Variants in MAP3K9 observed in about 807,000 individuals in gnomAD.
MAP3K9 encodes the protein mitogen-activated protein kinase kinase kinase 9, also known as mixed lineage kinase 1 (tyr and ser/thr specificity).
In MAP3K9, 46 loss-of-function variants were observed where a neutral mutation model predicts 95.8. The ratio of observed to expected loss-of-function variants is 0.48; its 90% CI spans 0.38 to 0.61. MAP3K9 has a LOEUF of 0.61. MAP3K9 is among the 20% of genes least tolerant of loss of function. The pLI is 0.00. For synonymous variants in MAP3K9, 533 were observed against 593.8 expected (o/e 0.90, Z 1.49); for missense variants, 1,296 against 1,474.3 (o/e 0.88, Z 1.98).
At position 70,749,020 on chromosome 14, in the gene MAP3K9, G is replaced by A. The variant is rs1471546004; in HGVS notation, c.1151-16C>T. ...TTCCAGCAGTCTGAATAGAACATGT[G>A]AATACTCAGAAAGCATGAATGGACA... is the stretch of plus-strand genomic sequence containing the variant. On this transcript the variant is annotated splice_polypyrimidine_tract_variant and intron_variant, in intron 4 of 11. Transcript: ENST00000554752. The A allele has an allele frequency of 1.2e-6, 2 of 1,603,860 alleles. No homozygotes were observed. The highest frequency in any genetic ancestry group is 2.2e-5 in the East Asian group (1 of 44,594).
At position 70,732,534 on chromosome 14, in the gene MAP3K9, C is replaced by G. The variant is rs755890823; in HGVS notation, c.2830+5G>C. 1 of 1,540,594 alleles carries G rather than the reference C, an allele frequency of 6.5e-7. No homozygotes were observed. Among genetic ancestry groups the G allele is most frequent in the Non-Finnish European group, 8.7e-7 (1 of 1,144,952 alleles). ...AAGGAAAGAGAAAAGAGGAAGAAGA[C>G]TCACCTGCTCCAGGACTGGGGCTCA... is the stretch of plus-strand genomic sequence containing the variant. On this transcript the variant is annotated splice_donor_5th_base_variant and intron_variant, in intron 11 of 11. Transcript: ENST00000554752.
At chr14:70,783,266 G>A in intron 2 of MAP3K9, 1 of 946,244 alleles carries the variant, frequency 1.1e-6, no homozygotes, top group Non-Finnish European at 1.3e-6. Context: ...CAACGGTAAG[G>A]TGGGAAGGAA....
At chr14:70,745,765 A>G (rs771579887) in intron 5 of MAP3K9, among the ~76,000 whole-genome samples, 10 of 152,134 alleles carry the variant, frequency 6.6e-5, no homozygotes, top group Non-Finnish European at 1.5e-4. Context: ...TAGAAAAGAA[A>G]TGAGAAAAGA....
chr14:70,754,901 G>T (rs1258010629), intron 3 of MAP3K9, among the ~76,000 whole-genome samples: 1 of 152,202 alleles, frequency 6.6e-6, no homozygotes, highest in Non-Finnish European at 1.5e-5. Context: ...ACAGCGCAAA[G>T]AAAGGGAACA....
intron 11 of MAP3K9, 130 bp from the exon 12 acceptor site, chr14:70,730,994 G>A: frequency 9.6e-7 from 1 of 1,037,494 alleles, no homozygotes; most frequent in Non-Finnish European, 1.4e-6. Context: ...AATGTTTGTG[G>A]AGCACCTACT....
In MAP3K9 at chr14:70,730,404, C is replaced by T. The variant is rs1298916585; in HGVS notation, c.3291G>A (p.Glu1097=). ...GCTAAGACCAGAACTCCTGCTGGAT[C>T]TCATAAGGGGCAGGCCTGTGTGTGT... ...ELNTHRPAPY[E]IQQEFWS Residue 1097 remains glutamate (E), a synonymous_variant, in exon 12 of 12, where the codon GAG becomes GAA. Coordinates refer to ENST00000554752, the MANE Select transcript of MAP3K9 (RefSeq NM_001284230.2). 2 of 1,608,060 alleles carry T rather than the reference C, an allele frequency of 1.2e-6. No individual in the cohort carries two copies. The highest frequency in any genetic ancestry group is 2.2e-5 in the South Asian group (2 of 90,944).
At chr14:70,808,439 C>CGGG (rs34783118) in intron 1 of MAP3K9, among the ~76,000 whole-genome samples, 20 of 83,942 alleles carry the variant, frequency 2.4e-4, no homozygotes, top group Non-Finnish European at 3.2e-4. Context: ...TGGGGGGCGG[C>CGGG]GGGGGGGTGG....
intron 2 of MAP3K9, among the ~76,000 whole-genome samples, chr14:70,786,399 G>C (rs1294316129): frequency 6.6e-6 from 1 of 152,050 alleles, no homozygotes; most frequent in Non-Finnish European, 1.5e-5. Context: ...GGAGTCTACT[G>C]CTTAAGAAAT....
At position 70,809,269 on chromosome 14, in the gene MAP3K9, C is replaced by A. The variant is rs3742847; in HGVS notation, c.-98G>T. 0.22 allele frequency: 268,142 copies of A among 1,231,858 alleles called. 31,503 individuals carry two copies. The highest frequency in any genetic ancestry group is 0.39 in the South Asian group (10,037 of 25,704). 76.3% of individuals were successfully genotyped at this position (1,231,858 alleles called of 1,614,324 possible). ...TCCGCAGAGCTGGGAGGACCCCCCC[C>A]CAACGACGGCGGCCGCAGGTAGGGC... On this transcript the variant is annotated 5_prime_UTR_variant, in exon 1 of 12. Transcript: ENST00000554752.
intron 1 of MAP3K9, among the ~76,000 whole-genome samples, chr14:70,803,336 T>TCAAAAAAAAAAAA (rs1566771064): frequency 1.5e-5 from 1 of 66,142 alleles, no homozygotes; most frequent in Non-Finnish European, 2.8e-5. Context: ...AATTCAGATC[T>TCAAAAAAAAAAAA]TAAAAAAAAA....
chr14:70,760,876 G>A (rs938561828), intron 3 of MAP3K9, 126 bp downstream of exon 3: 2 of 919,058 alleles, frequency 2.2e-6, no homozygotes, highest in Non-Finnish European at 3.3e-6. Flanking sequence ...ATGACTCTTG[G>A]GGGAGGTCAC....
At chr14:70,739,316 G>C (rs1181839178) in intron 7 of MAP3K9, among the ~76,000 whole-genome samples, 2 of 151,986 alleles carry the variant, frequency 1.3e-5, no homozygotes, top group East Asian at 3.8e-4. Flanking sequence ...ATTTTTAGTA[G>C]AGGCGGGGTT....
intron 2 of MAP3K9, among the ~76,000 whole-genome samples, chr14:70,772,794 T>C (rs2139808707): frequency 6.6e-6 from 1 of 152,338 alleles, no homozygotes; most frequent in Non-Finnish European, 1.5e-5. Flanking sequence ...GATTTACACC[T>C]ATAATCTTAT....
At chr14:70,757,979 A>G (rs72721927) in intron 3 of MAP3K9, among the ~76,000 whole-genome samples, 4,726 of 152,302 alleles carry the variant, frequency 0.031, 112 homozygotes, top group Non-Finnish European at 0.043. Flanking sequence ...GTAAGTCTTC[A>G]TGACTTTGGA....
intron 2 of MAP3K9, among the ~76,000 whole-genome samples, chr14:70,787,584 T>C (rs2054761046): frequency 6.6e-6 from 1 of 151,468 alleles, no homozygotes; most frequent in Non-Finnish European, 1.5e-5. Context: ...CTCCCAAACC[T>C]GCTCCAAGGG....
rs140537993 is a variant in MAP3K9, at chr14:70,789,834, T to C, written c.820+10833A>G. ...ATGTATATGTCTCACTCTTACAGTA[T>C]AGTGGATCACACAGGGGACATGTTC... On this transcript the variant is annotated intron_variant, in intron 2 of 11. Transcript: ENST00000554752. Among the ~76,000 whole-genome samples, 1,087 of 152,338 alleles carry C rather than the reference T, an allele frequency of 7.1e-3. 13 individuals are homozygous for C. The highest frequency in any genetic ancestry group is 0.025 in the African/African-American group (1,033 of 41,578).
chr14:70,794,807 A>T (rs1163257546), intron 2 of MAP3K9, among the ~76,000 whole-genome samples: 1 of 151,104 alleles, frequency 6.6e-6, no homozygotes, highest in Non-Finnish European at 1.5e-5. Flanking sequence ...CCTCCCAAGT[A>T]GCTTGAACTA....
intron 2 of MAP3K9, among the ~76,000 whole-genome samples, chr14:70,797,268 A>G (rs2054874888): frequency 6.6e-6 from 1 of 152,118 alleles, no homozygotes; most frequent in African/African-American, 2.4e-5. Flanking sequence ...AACCCTTAAC[A>G]AAGCAAGGAA....
chr14:70,773,760 T>C (rs1054522866), intron 2 of MAP3K9, among the ~76,000 whole-genome samples: 10 of 152,056 alleles, frequency 6.6e-5, no homozygotes, highest in Admixed American at 5.9e-4. Flanking sequence ...GCCCCAAGAG[T>C]TGGCAGAGCT....
Sources: allele counts gnomAD v4.1 joint callset (sites outside exome capture counted in the v4.1 genomes callset), GRCh38; gene constraint gnomAD v4.1.1; transcripts MANE v1.5; gene names NCBI Gene and HGNC (gene_info 2026-07-23, HGNC 2026-07-21).